CACNA1H: variants seen among roughly 807,000 people sequenced by gnomAD.
CACNA1H encodes calcium voltage-gated channel subunit alpha1 H.
Under a neutral mutation model 192.5 loss-of-function variants are expected in CACNA1H, and 149 were observed. That is an observed-to-expected ratio of 0.77 (90% CI 0.68 to 0.89). The LOEUF is 0.89. CACNA1H is among the 40% of genes least tolerant of loss of function. The probability of loss-of-function intolerance (pLI) is 0.00; values close to 1 mark genes in which losing one functional copy is unlikely to be tolerated. For missense variants in CACNA1H, 4,257 were observed against 3,423.5 expected, an observed-to-expected ratio of 1.24 and a Z score of -6.08; for synonymous variants, 2,202 against 1,475.2, an observed-to-expected ratio of 1.49 and a Z score of -11.29.
chr16:1,192,335 C>T (rs1316277530), intron 2 of CACNA1H, among the ~76,000 whole-genome samples: 11 of 141,300 alleles, frequency 7.8e-5, no homozygotes, highest in African/African-American at 2.7e-4. Context: ...GCACTGGGTG[C>T]CACCCACCCC....
At chr16:1,200,609 C>A (rs764598327) in intron 7 of CACNA1H, 38 bp downstream of exon 7, 5 of 1,605,430 alleles carry the variant, frequency 3.1e-6, no homozygotes, top group Non-Finnish European at 3.4e-6. Context: ...CCCTGGGGCA[C>A]GGCAGGGGAG....
intron 12 of CACNA1H, 144 bp from the exon 13 acceptor site, chr16:1,206,857 A>C: frequency 1.7e-6 from 1 of 588,850 alleles, no homozygotes; most frequent in South Asian, 1.9e-5. Flanking sequence ...TCGGGCGCCC[A>C]GGGAGGGTAG....
chr16:1,203,102 C>T (rs1027551549), intron 9 of CACNA1H, among the ~76,000 whole-genome samples: 5 of 151,064 alleles, frequency 3.3e-5, no homozygotes, highest in Non-Finnish European at 7.4e-5. Flanking sequence ...GAGGTGCGAG[C>T]GAGGGTGCCG....
chr16:1,200,171 A>C, intron 6 of CACNA1H, 85 bp from the exon 7 acceptor site: 1 of 1,125,390 alleles, frequency 8.9e-7, no homozygotes. Context: ...GACCTTGATC[A>C]CGTCCCTGAT....
At chr16:1,178,162 C>T (rs1178266873) in intron 2 of CACNA1H, among the ~76,000 whole-genome samples, 1 of 127,748 alleles carries the variant, frequency 7.8e-6, no homozygotes, top group Non-Finnish European at 1.7e-5. Flanking sequence ...AACCGCCCCC[C>T]CATGGACTCT....
rs777013075 is a variant in CACNA1H at position 1,207,858 on chromosome 16, C to G, written c.3152C>G (p.Thr1051Arg). The change falls in exon 15 of 35, where the codon ACA (threonine) becomes AGA (arginine). Residue 1051 changes from threonine (T) to arginine (R), a missense_variant and splice_region_variant. Physicochemically the swap from Thr to Arg is moderately conservative, Grantham distance 71. Coordinates refer to ENST00000348261, the MANE Select transcript of CACNA1H (RefSeq NM_021098.3). ...DFHKLRELQT[T>R]ELKMCSLAVT... is the part of the protein sequence containing the mutation. ...CACAAGCTCAGAGAACTCCAGACCACAGGTGCGTGTGGTCGGTGGGTGGTC... is the reference window on the plus strand; with the variant it reads ...CACAAGCTCAGAGAACTCCAGACCAGAGGTGCGTGTGGTCGGTGGGTGGTC... 1 of 1,589,696 alleles carries G rather than the reference C, an allele frequency of 6.3e-7. No individual in the cohort carries two copies. The highest frequency in any genetic ancestry group is 1.3e-5 in the African/African-American group (1 of 74,314).
rs1467617108 is a variant in CACNA1H, at chr16:1,201,949, C to T, written c.1499C>T (p.Pro500Leu). The part of the protein sequence containing the change: ...VDPSAVQGQG[P>L]GHRQRRAGRH... ...CCCAGTGCTGTGCAAGGCCAGGGTC[C>T]CGGGCACCGCCAGCGCCGGGCAGGC... The change falls in exon 9 of 35, where the codon CCC becomes CTC. Residue 500 changes from proline to leucine, a missense_variant. Physicochemically the swap from Pro to Leu is moderately conservative, Grantham distance 98. Coordinates refer to ENST00000348261, the MANE Select transcript of CACNA1H (RefSeq NM_021098.3). 5 of 1,546,792 alleles carry T rather than the reference C, an allele frequency of 3.2e-6. No individual in the cohort carries two copies. The highest frequency in any genetic ancestry group is 1.4e-5 in the African/African-American group (1 of 72,974).
In CACNA1H at chr16:1,219,099, C is replaced by G; in HGVS notation, c.6017C>G (p.Ser2006Cys). 6.5e-7 allele frequency: 1 copy of G among 1,546,154 alleles called. No homozygotes were observed. Among genetic ancestry groups the G allele is most frequent in the Non-Finnish European group, 8.7e-7 (1 of 1,144,522 alleles). Residue 2006 changes from serine (S) to cysteine (C), a missense_variant, in exon 34 of 35, where the codon TCC becomes TGC. By Grantham distance (112) the Ser-to-Cys change is moderately radical. Transcript: ENST00000348261. Reference protein sequence around the residue: ...HALSPRGTARSPSLSRLLCRQ... With the variant: ...HALSPRGTARCPSLSRLLCRQ... ...CTGTCCCCTCGGGGCACAGCCCGCT[C>G]CCCCAGTCTCAGCCGGCTGCTCTGC...
At chr16:1,189,395 T>G in intron 2 of CACNA1H, among the ~76,000 whole-genome samples, 1 of 122,892 alleles carries the variant, frequency 8.1e-6, no homozygotes, top group South Asian at 2.9e-4. Flanking sequence ...CTGAAGAGTG[T>G]CCTTTTTTTT....
intron 2 of CACNA1H, among the ~76,000 whole-genome samples, chr16:1,185,097 C>A (rs1218335316): frequency 1.3e-5 from 2 of 152,238 alleles, no homozygotes; most frequent in African/African-American, 4.8e-5. Context: ...CTGTGCGGGA[C>A]TTTCCGTGTG....
At chr16:1,175,994 C>T (rs1019377113) in intron 2 of CACNA1H, among the ~76,000 whole-genome samples, 3 of 152,200 alleles carry the variant, frequency 2.0e-5, no homozygotes, top group African/African-American at 7.2e-5. Flanking sequence ...CCCAGGACAT[C>T]CTGGTGGCTG....
chr16:1,174,038 T>A (rs955113134), intron 2 of CACNA1H, among the ~76,000 whole-genome samples: 4 of 152,226 alleles, frequency 2.6e-5, no homozygotes, highest in African/African-American at 9.6e-5. Flanking sequence ...CCTGTGGAAG[T>A]TGACCTGTGC....
Position 1,182,981 on chromosome 16 carries a change from C to T in CACNA1H, c.300-11991C>T, listed in dbSNP as rs566258416. ...AGGAGGGCAAGCCCACCTGTCCCAT[C>T]TCTGGACAACTGGGTTTCCAGGGCT... On this transcript the variant is annotated intron_variant, in intron 2 of 34. Transcript: ENST00000348261. Among the ~76,000 whole-genome samples, 44 of 152,222 alleles carry T rather than the reference C, an allele frequency of 2.9e-4. No individual in the cohort carries two copies. The South Asian group carries it at 8.1e-3, about 28-fold the overall frequency.
chr16:1,220,732 C>T lies in CACNA1H; in HGVS notation c.6800C>T (p.Ala2267Val), dbSNP rs1357669313. ...RAEHLTVPSF[A>V]FEPLDLGVPS... ...GAGCACCTGACCGTCCCCAGCTTTG[C>T]CTTTGAGCCGCTGGACCTCGGGGTC... Residue 2267 changes from alanine to valine, a missense_variant, in exon 35 of 35, where the codon GCC becomes GTC. By Grantham distance (64) the Ala-to-Val change is moderately conservative. Coordinates refer to ENST00000348261, the MANE Select transcript of CACNA1H (RefSeq NM_021098.3). 2 of 1,612,244 alleles carry T rather than the reference C, an allele frequency of 1.2e-6. No homozygotes were observed. The highest frequency in any genetic ancestry group is 1.7e-6 in the Non-Finnish European group (2 of 1,179,702).
At position 1,154,019 on chromosome 16, in the gene CACNA1H, C is replaced by T. The variant is rs960703593; in HGVS notation, c.282C>T (p.Leu94=). 30 of 1,371,894 alleles carry T rather than the reference C, an allele frequency of 2.2e-5. 1 individual carries two copies. The East Asian group carries it at 9.9e-4, about 45-fold the overall frequency. The allele number at this position is 1,371,894 out of a possible 1,614,324, so 85.0% of individuals were successfully genotyped here. Residue 94 remains leucine (L), a synonymous_variant, in exon 2 of 35, where the codon CTC becomes CTT. Transcript: ENST00000348261. ...CCACGCGGCCGCGCAGCTGGTGCCT[C>T]CGGCTGGTCTGCAACCCATATCCTT... ...GQTTRPRSWC[L]RLVCNPWFEH... is the part of the protein sequence containing the mutation.
intron 30 of CACNA1H, 122 bp from the exon 31 acceptor site, chr16:1,216,810 C>G (rs553815067): frequency 1.8e-5 from 15 of 831,778 alleles, no homozygotes; most frequent in African/African-American, 1.5e-4. Context: ...TGGCCGGGCC[C>G]GGAGCACCTG....
exon 35 of CACNA1H, chr16:1,221,767 A>AAT: frequency 6.3e-7 from 1 of 1,581,254 alleles, no homozygotes; most frequent in Non-Finnish European, 8.6e-7. Context: ...TTATTTAAGA[A>AAT]ATGCACTTGG....
intron 2 of CACNA1H, among the ~76,000 whole-genome samples, chr16:1,193,834 C>T (rs546913178): frequency 2.0e-5 from 3 of 152,032 alleles, no homozygotes; most frequent in African/African-American, 4.8e-5. Flanking sequence ...GGGAGGGGCT[C>T]CAGGCTGGAG....
At chr16:1,197,636 C>A (rs995048317) in intron 5 of CACNA1H, among the ~76,000 whole-genome samples, 1 of 152,230 alleles carries the variant, frequency 6.6e-6, no homozygotes, top group East Asian at 1.9e-4. Flanking sequence ...CGGTTGCGGT[C>A]TGGCCAGGGC....
Sources: gnomAD v4.1 joint callset for allele counts (sites outside exome capture counted in the v4.1 genomes callset) on GRCh38, gnomAD v4.1.1 for gene constraint, MANE v1.5 for transcripts, NCBI Gene and HGNC (gene_info 2026-07-23, HGNC 2026-07-21) for gene names.